The following GALK2 variants were observed in gnomAD, a reference collection of about 807,000 sequenced individuals.
GALK2 encodes galactokinase 2.
A neutral mutation model predicts 52.4 loss-of-function variants in GALK2; 36 were observed. The ratio of observed to expected loss-of-function variants is 0.69; its 90% confidence interval spans 0.53 to 0.91. The LOEUF (loss-of-function observed/expected upper bound fraction) is 0.91. Ranked by LOEUF, GALK2 falls within the 40% of genes least tolerant of loss-of-function variation. The probability of loss-of-function intolerance (pLI) is 0.00; values close to 1 mark genes in which losing one functional copy is unlikely to be tolerated. For missense variants in GALK2, 579 were observed against 559.1 expected (o/e 1.04, Z -0.36); for synonymous variants, 176 against 199.1 (o/e 0.88, Z 0.98).
intron 9 of GALK2, among the ~76,000 whole-genome samples, chr15:49,321,219 GTGAA>G (rs2036844538): frequency 6.9e-6 from 1 of 145,150 alleles, no homozygotes; most frequent in Non-Finnish European, 1.5e-5. Flanking sequence ...CCTGAAGGAG[GTGAA>G]TAAATGAGAA....
intron 3 of GALK2, among the ~76,000 whole-genome samples, chr15:49,359,211 C>T (rs191357493): frequency 0.01 from 1,478 of 141,854 alleles, 18 homozygotes; most frequent in Non-Finnish European, 0.014. Flanking sequence ...CCAAAAGCAA[C>T]GGCAACAAAA....
chr15:49,278,141 G>C (rs547474541), intron 5 of GALK2, among the ~76,000 whole-genome samples: 1 of 151,994 alleles, frequency 6.6e-6, no homozygotes, highest in Non-Finnish European at 1.5e-5. Context: ...GGCGCCTGTA[G>C]TCCCAGCTAC....
At chr15:49,162,323 GTTTC>G (rs1431296782) in intron 1 of GALK2, among the ~76,000 whole-genome samples, 2 of 152,060 alleles carry the variant, frequency 1.3e-5, no homozygotes, top group Admixed American at 6.5e-5. Flanking sequence ...TCAGTTGGTT[GTTTC>G]TTTTTATTGC....
intron 5 of GALK2, among the ~76,000 whole-genome samples, chr15:49,252,425 A>C (rs768466880): frequency 1.3e-5 from 2 of 152,182 alleles, no homozygotes; most frequent in East Asian, 1.9e-4. Context: ...CGGTCATACT[A>C]TAATGCCCAA....
At chr15:49,242,462 G>A (rs2091146611) in intron 5 of GALK2, among the ~76,000 whole-genome samples, 2 of 152,188 alleles carry the variant, frequency 1.3e-5, no homozygotes, top group Non-Finnish European at 1.5e-5. Context: ...TTGGGGTAGG[G>A]GAAGTGTGAG....
intron 5 of GALK2, among the ~76,000 whole-genome samples, chr15:49,276,448 GCTT>G (rs2031678013): frequency 1.3e-5 from 2 of 152,208 alleles, no homozygotes; most frequent in South Asian, 4.1e-4. Context: ...CTTCCAGTAT[GCTT>G]CTTTTCTTTA....
At chr15:49,348,797 T>C (rs988875439) in intron 3 of GALK2, among the ~76,000 whole-genome samples, 1 of 152,240 alleles carries the variant, frequency 6.6e-6, no homozygotes, top group Non-Finnish European at 1.5e-5. Context: ...ACAATATTTA[T>C]AGCAAGAAGG....
At chr15:49,357,493 A>C (rs973857172) in intron 3 of GALK2, among the ~76,000 whole-genome samples, 4 of 152,184 alleles carry the variant, frequency 2.6e-5, no homozygotes, top group African/African-American at 7.2e-5. Flanking sequence ...AGAAGAAATA[A>C]TGGATAAATT....
intron 7 of GALK2, among the ~76,000 whole-genome samples, chr15:49,291,723 T>G (rs1404581160): frequency 6.6e-6 from 1 of 152,206 alleles, no homozygotes; most frequent in Non-Finnish European, 1.5e-5. Flanking sequence ...GAAGCCAAAC[T>G]CTTTTTCTTG....
intron 7 of GALK2, among the ~76,000 whole-genome samples, chr15:49,285,609 C>T (rs1423449637): frequency 6.6e-6 from 1 of 152,084 alleles, no homozygotes; most frequent in East Asian, 1.9e-4. Flanking sequence ...CCTTATTGAC[C>T]ATCTTTACTT....
At chr15:49,318,129 A>T (rs1273946596) in intron 8 of GALK2, 3 of 152,032 alleles carry the variant, frequency 2.0e-5, no homozygotes, top group Admixed American at 6.6e-5. Context: ...ATTTTCATAA[A>T]TTTTCCAAAA....
chr15:49,349,805 CA>C (rs1361297769), intron 3 of GALK2, among the ~76,000 whole-genome samples: 2 of 151,782 alleles, frequency 1.3e-5, no homozygotes, highest in African/African-American at 2.4e-5. Flanking sequence ...GTGTATGGAC[CA>C]AAACTCTGCA....
At chr15:49,224,453 G>A (rs1054810300) in intron 3 of GALK2, among the ~76,000 whole-genome samples, 27 of 152,222 alleles carry the variant, frequency 1.8e-4, no homozygotes, top group African/African-American at 6.5e-4. Context: ...GATTCATACA[G>A]CTTGAGGTCT....
chr15:49,348,617 T>C (rs1013849796), intron 3 of GALK2, among the ~76,000 whole-genome samples: 1 of 152,152 alleles, frequency 6.6e-6, no homozygotes, highest in Admixed American at 6.5e-5. Flanking sequence ...TGCATGGTAA[T>C]AGAGTAGGTT....
At chr15:49,221,307 T>C (rs2141403383) in intron 3 of GALK2, among the ~76,000 whole-genome samples, 1 of 152,316 alleles carries the variant, frequency 6.6e-6, no homozygotes, top group African/African-American at 2.4e-5. Flanking sequence ...TATTGAGTTT[T>C]CCCAGCACCA....
rs2084982011 is a variant in GALK2, at chr15:49,170,373, T to C, written c.51T>C (p.Pro17=). 1 of 1,589,796 alleles carries C rather than the reference T, an allele frequency of 6.3e-7. No homozygotes were observed. The highest frequency in any genetic ancestry group is 8.6e-7 in the Non-Finnish European group (1 of 1,168,386). ...GTCGGGTCCAGGTGGCAGAACATCC[T>C]AGGTGGGGGAGAGGAGACGCCGGGC... The part of the protein sequence containing the change: ...ATRRVQVAEH[P]RLLKLKEMFN... The change falls in exon 1 of 10, where the codon CCT becomes CCC. Residue 17 remains proline (P), a splice_region_variant and synonymous_variant. Transcript: ENST00000560031.
chr15:49,235,108 G>A (rs1327717537), intron 3 of GALK2, among the ~76,000 whole-genome samples: 3 of 152,038 alleles, frequency 2.0e-5, no homozygotes, highest in Non-Finnish European at 2.9e-5. Flanking sequence ...TGTCTGGTGG[G>A]GAAATACTGT....
rs1193559949 is a variant in GALK2, at chr15:49,283,590, C to A, written c.628C>A (p.Leu210Met). 6.2e-7 allele frequency: 1 copy of A among 1,613,778 alleles called. No homozygotes were observed. The highest frequency in any genetic ancestry group is 2.2e-5 in the East Asian group (1 of 44,872). Residue 210 changes from leucine to methionine, a missense_variant, in exon 7 of 10, where the codon CTG becomes ATG. Leu to Met is a conservative substitution (Grantham distance 15). Coordinates refer to ENST00000560031, the MANE Select transcript of GALK2 (RefSeq NM_002044.4). ...GTAKLIEFSPLRATDVKLPSG... is the reference protein window; with the variant it reads ...GTAKLIEFSPMRATDVKLPSG... ...GGCCAAGTTGATAGAATTTAGTCCT[C>A]TGAGGGCAACCGATGTAAAACTCCC... is the stretch of plus-strand genomic sequence containing the variant.
intron 1 of GALK2, among the ~76,000 whole-genome samples, chr15:49,184,939 T>C (rs1566914373): frequency 1.3e-5 from 2 of 152,232 alleles, no homozygotes. Context: ...GTGTCCTTCT[T>C]ATTACCAGTG....
Sources: allele counts gnomAD v4.1 joint callset (sites outside exome capture counted in the v4.1 genomes callset), GRCh38; gene constraint gnomAD v4.1.1; transcripts MANE v1.5; gene names NCBI Gene and HGNC (gene_info 2026-07-23, HGNC 2026-07-21).